The following RCSD1 variants were observed in gnomAD, a reference collection of about 807,000 sequenced individuals.
RCSD1 encodes the protein capZ-interacting protein.
Under a neutral mutation model 42.5 loss-of-function variants are expected in RCSD1, and 26 were observed. That is an observed-to-expected ratio of 0.61 (90% CI 0.45 to 0.85). The LOEUF is 0.85. RCSD1 is among the 40% of genes least tolerant of loss of function. The probability of loss-of-function intolerance (pLI) is 0.00; values close to 1 mark genes in which losing one functional copy is unlikely to be tolerated. For missense variants in RCSD1, 571 were observed against 528.3 expected, an observed-to-expected ratio of 1.08 and a Z score of -0.79; for synonymous variants, 220 against 212.2, an observed-to-expected ratio of 1.04 and a Z score of -0.32.
At chr1:167,637,329 T>A (rs1174637220) in intron 1 of RCSD1, among the ~76,000 whole-genome samples, 1 of 152,194 alleles carries the variant, frequency 6.6e-6, no homozygotes, top group African/African-American at 2.4e-5. Context: ...TAAGTTGCAG[T>A]TCCTGCCCTA....
At chr1:167,672,383 C>T (rs1452586282) in intron 1 of RCSD1, among the ~76,000 whole-genome samples, 1 of 152,188 alleles carries the variant, frequency 6.6e-6, no homozygotes, top group East Asian at 1.9e-4. Flanking sequence ...ACTATATGAA[C>T]TTATTATCTT....
intron 1 of RCSD1, among the ~76,000 whole-genome samples, chr1:167,645,438 A>G (rs761079): frequency 0.8 from 121,233 of 151,824 alleles, 48,591 homozygotes; most frequent in African/African-American, 0.87. Context: ...GAGATAAGAT[A>G]TGTCCCCAGA....
At chr1:167,658,608 T>A (rs1658477065) in intron 1 of RCSD1, among the ~76,000 whole-genome samples, 1 of 152,054 alleles carries the variant, frequency 6.6e-6, no homozygotes, top group African/African-American at 2.4e-5. Flanking sequence ...TTTTTCTTTT[T>A]TTTGGAGAGA....
chr1:167,662,201 T>C (rs1007360926), intron 1 of RCSD1, among the ~76,000 whole-genome samples: 2 of 152,228 alleles, frequency 1.3e-5, no homozygotes, highest in African/African-American at 4.8e-5. Context: ...GCCCTTGCTG[T>C]AGCAGATGGC....
At chr1:167,666,183 G>A (rs1281079187) in intron 1 of RCSD1, among the ~76,000 whole-genome samples, 1 of 152,112 alleles carries the variant, frequency 6.6e-6, no homozygotes, top group Non-Finnish European at 1.5e-5. Context: ...TGGAGTTGTG[G>A]TTGGGAGCAC....
chr1:167,643,677 C>A lies in RCSD1; in HGVS notation c.6+13248C>A, dbSNP rs75074119. Among the ~76,000 whole-genome samples, 460 of 152,304 alleles carry A rather than the reference C, an allele frequency of 3.0e-3. 1 individual carries two copies. The highest frequency in any genetic ancestry group is 4.3e-3 in the Non-Finnish European group (295 of 68,030). On this transcript the variant is annotated intron_variant, in intron 1 of 6. Transcript: ENST00000367854. ...GGTTTGAGTTTGACTTTGCCATTTA[C>A]TAGCTTGTGACCTCTCCATGGCTTG...
At chr1:167,675,618 C>T (rs1396146309) in intron 1 of RCSD1, among the ~76,000 whole-genome samples, 1 of 152,144 alleles carries the variant, frequency 6.6e-6, no homozygotes, top group African/African-American at 2.4e-5. Context: ...GAGCTCTGGA[C>T]AGCTGGGATG....
intron 3 of RCSD1, 53 bp from the exon 4 acceptor site, chr1:167,689,996 C>T (rs1659336558): frequency 6.3e-7 from 1 of 1,575,160 alleles, no homozygotes; most frequent in African/African-American, 1.4e-5. Context: ...CCAACCAGAA[C>T]CCCACTTTCC....
intron 4 of RCSD1, among the ~76,000 whole-genome samples, chr1:167,691,817 G>C (rs184072272): frequency 7.2e-5 from 11 of 152,156 alleles, no homozygotes; most frequent in Admixed American, 2.6e-4. Flanking sequence ...GATTCCACCC[G>C]GCTGCAGGAA....
chr1:167,694,326 G>A (rs1259751429), intron 5 of RCSD1, 24 bp downstream of exon 5: 1 of 1,605,436 alleles, frequency 6.2e-7, no homozygotes. Context: ...CCAGATTATG[G>A]CGGTGTGTCT....
chr1:167,633,001 G>A lies in RCSD1; in HGVS notation c.6+2572G>A, dbSNP rs1657744113. 2.6e-5 allele frequency among the ~76,000 whole-genome samples: 4 copies of A among 152,270 alleles called. No homozygotes were observed. The Middle Eastern group carries it at 0.01, about 388-fold the overall frequency. On this transcript the variant is annotated intron_variant, in intron 1 of 6. Transcript: ENST00000367854. Reference sequence around the variant, plus strand: ...AAACTCAGTTTTGGGACATGAAAGGGCTACTGTATCTGGAAAGAAATTAAG... The same window carrying A: ...AAACTCAGTTTTGGGACATGAAAGGACTACTGTATCTGGAAAGAAATTAAG...
At chr1:167,704,520 C>A in intron 6 of RCSD1, 144 bp from the exon 7 acceptor site, 1 of 689,340 alleles carries the variant, frequency 1.5e-6, no homozygotes, top group Non-Finnish European at 2.5e-6. Context: ...CTAAGTTGGG[C>A]ACATAGCATT....
chr1:167,634,656 T>A (rs958550844), intron 1 of RCSD1, among the ~76,000 whole-genome samples: 2 of 152,212 alleles, frequency 1.3e-5, no homozygotes, highest in Admixed American at 1.3e-4. Flanking sequence ...TGAAAAAAAG[T>A]ATAATTTTCG....
intron 2 of RCSD1, 139 bp downstream of exon 2, chr1:167,684,140 C>T (rs1659160384): frequency 1.5e-6 from 1 of 680,108 alleles, no homozygotes; most frequent in African/African-American, 1.8e-5. Context: ...GGAGGGGTTT[C>T]TCTGAATGTG....
In RCSD1 at chr1:167,690,065, C is replaced by G; in HGVS notation, c.215C>G (p.Ala72Gly). 3 of 1,614,054 alleles carry G rather than the reference C, an allele frequency of 1.9e-6. No homozygotes were observed. The highest frequency in any genetic ancestry group is 1.1e-5 in the South Asian group (1 of 91,074). The change falls in exon 4 of 7, where the codon GCG becomes GGG. Residue 72 changes from alanine to glycine, a missense_variant. Ala to Gly is a moderately conservative substitution (Grantham distance 60). Transcript: ENST00000367854. ...GCTCCATAGAAATCACCACCCAATGCGAGCCACCCTCCTAAATTCAAGGTC... is the reference window on the plus strand; with the variant it reads ...GCTCCATAGAAATCACCACCCAATGGGAGCCACCCTCCTAAATTCAAGGTC... Reference protein sequence around the residue: ...QNGEEKSPPNASHPPKFKVKS... With the variant: ...QNGEEKSPPNGSHPPKFKVKS...
chr1:167,685,593 C>A (rs1659214685), intron 3 of RCSD1, 83 bp downstream of exon 3: 12 of 1,059,042 alleles, frequency 1.1e-5, no homozygotes, highest in South Asian at 4.0e-5. Flanking sequence ...GAGGGGGCAC[C>A]AAACTCATAC....
intron 1 of RCSD1, among the ~76,000 whole-genome samples, chr1:167,675,208 A>G (rs372269657): frequency 7.1e-4 from 57 of 80,212 alleles, no homozygotes; most frequent in African/African-American, 5.0e-3. Context: ...TCCATCTCGG[A>G]AAAAAAAAAA....
At chr1:167,672,128 A>T (rs1658825822) in intron 1 of RCSD1, among the ~76,000 whole-genome samples, 1 of 152,138 alleles carries the variant, frequency 6.6e-6, no homozygotes, top group South Asian at 2.1e-4. Context: ...TCCCTTGCAG[A>T]GGTGGAGGCT....
intron 1 of RCSD1, chr1:167,664,284 G>C (rs1282398412): frequency 6.6e-6 from 1 of 152,220 alleles, no homozygotes; most frequent in Non-Finnish European, 1.5e-5. Context: ...GGCTGGATGT[G>C]GCCTACTCCC....
Sources: allele counts gnomAD v4.1 joint callset (sites outside exome capture counted in the v4.1 genomes callset), GRCh38; gene constraint gnomAD v4.1.1; transcripts MANE v1.5; gene names NCBI Gene and HGNC (gene_info 2026-07-23, HGNC 2026-07-21).